The following TTC7B variants were observed in gnomAD, a reference collection of about 807,000 sequenced individuals.
TTC7B encodes tetratricopeptide repeat protein 7B.
Under a neutral mutation model 106.8 loss-of-function variants are expected in TTC7B, and 28 were observed. The observed-to-expected ratio is 0.26, with a 90% CI of 0.19 to 0.36. TTC7B has a LOEUF of 0.36. Among genes scored for constraint, TTC7B ranks in the 10% least tolerant of loss-of-function variants. The pLI, the probability that TTC7B is intolerant of heterozygous loss-of-function variation, is 1.00. For synonymous variants in TTC7B, 405 were observed against 430.6 expected, an observed-to-expected ratio of 0.94 and a Z score of 0.74; for missense variants, 862 against 1,076.4, an observed-to-expected ratio of 0.80 and a Z score of 2.79.
chr14:90,789,391 C>A (rs947591539), intron 1 of TTC7B, among the ~76,000 whole-genome samples: 32 of 152,156 alleles, frequency 2.1e-4, no homozygotes, highest in African/African-American at 7.7e-4. Flanking sequence ...AGCCACTATA[C>A]CCGGCCTTAA....
intron 5 of TTC7B, among the ~76,000 whole-genome samples, chr14:90,699,605 T>C (rs1340367943): frequency 6.6e-6 from 1 of 152,188 alleles, no homozygotes; most frequent in Non-Finnish European, 1.5e-5. Context: ...CTAGAGTCTA[T>C]TCAATATTTT....
Position 90,757,019 on chromosome 14 carries a change from T to C in TTC7B, c.446-12097A>G, listed in dbSNP as rs1202214252. Among the ~76,000 whole-genome samples, 2 of 152,114 alleles carry C rather than the reference T, an allele frequency of 1.3e-5. No homozygotes were observed. Among genetic ancestry groups the C allele is most frequent in the Non-Finnish European group, 2.9e-5 (2 of 68,026 alleles). On this transcript the variant is annotated intron_variant, in intron 3 of 19. Coordinates refer to ENST00000328459, the MANE Select transcript of TTC7B (RefSeq NM_001010854.2). This position sits in a 1 kb window ranked among gnomAD's most constrained non-coding sequence, Gnocchi z 4.1. Reference sequence around the variant, plus strand: ...AATACACCCATCTAGCCGCCCACCATGAGCAGAATCCAGAATGGGAAGAGG... The same window carrying C: ...AATACACCCATCTAGCCGCCCACCACGAGCAGAATCCAGAATGGGAAGAGG...
At chr14:90,602,532 C>G (rs542687841) in intron 17 of TTC7B, among the ~76,000 whole-genome samples, 16 of 152,238 alleles carry the variant, frequency 1.1e-4, no homozygotes, top group Non-Finnish European at 1.6e-4. Context: ...GAGGCCTCCT[C>G]TCTGCCAAAA....
intron 17 of TTC7B, among the ~76,000 whole-genome samples, chr14:90,599,634 A>AGG (rs1350515636): frequency 8.5e-5 from 13 of 152,146 alleles, no homozygotes; most frequent in Non-Finnish European, 1.6e-4. Context: ...TTTGGCACCC[A>AGG]CATTCTTTCT....
chr14:90,729,043 T>C (rs182552143), intron 5 of TTC7B, among the ~76,000 whole-genome samples: 4 of 152,380 alleles, frequency 2.6e-5, no homozygotes, highest in Admixed American at 6.5e-5. Context: ...CCAAGGCCAT[T>C]GAGCTGCTGC....
At chr14:90,614,742 T>A (rs535848133) in intron 16 of TTC7B, among the ~76,000 whole-genome samples, 1 of 152,354 alleles carries the variant, frequency 6.6e-6, no homozygotes, top group Admixed American at 6.5e-5. Flanking sequence ...GCAAGGCTAA[T>A]GTAGGGATTG....
intron 15 of TTC7B, among the ~76,000 whole-genome samples, chr14:90,631,933 G>A (rs1391257863): frequency 6.6e-6 from 1 of 152,152 alleles, no homozygotes; most frequent in Non-Finnish European, 1.5e-5. Context: ...AAACATCTAT[G>A]CAACTCCTTT....
chr14:90,782,050 G>C (rs139230069), intron 2 of TTC7B, among the ~76,000 whole-genome samples: 126 of 152,304 alleles, frequency 8.3e-4, no homozygotes, highest in African/African-American at 2.9e-3. Context: ...CTGTAACCTA[G>C]AGCTTTGATG....
intron 4 of TTC7B, among the ~76,000 whole-genome samples, chr14:90,731,834 A>G (rs1201568251): frequency 6.6e-6 from 1 of 152,220 alleles, no homozygotes; most frequent in Non-Finnish European, 1.5e-5. Flanking sequence ...AGCTGTAGTC[A>G]AGACTTTCTC....
At chr14:90,778,077 C>T (rs148663976) in intron 3 of TTC7B, among the ~76,000 whole-genome samples, 2 of 152,244 alleles carry the variant, frequency 1.3e-5, no homozygotes, top group East Asian at 1.9e-4. Flanking sequence ...TGCTCATAAC[C>T]GTCCCTCTAC....
In TTC7B at chr14:90,744,928, A is replaced by T. The variant is rs1331830521; in HGVS notation, c.446-6T>A. ...CAGCTTCTCCAAACAAAGTCCTTAAAAAAATATCAGACACAAAAACTGAGT... is the reference window on the plus strand; with the variant it reads ...CAGCTTCTCCAAACAAAGTCCTTAATAAAATATCAGACACAAAAACTGAGT... On this transcript the variant is annotated splice_region_variant and splice_polypyrimidine_tract_variant and intron_variant, in intron 3 of 19. Transcript: ENST00000328459. 1.2e-6 allele frequency: 2 copies of T among 1,612,102 alleles called. No homozygotes were observed. The highest frequency in any genetic ancestry group is 2.2e-5 in the South Asian group (2 of 90,632).
At chr14:90,696,376 T>C (rs547651987) in intron 5 of TTC7B, among the ~76,000 whole-genome samples, 2 of 152,306 alleles carry the variant, frequency 1.3e-5, no homozygotes, top group South Asian at 2.1e-4. Context: ...GCTGGTCCCT[T>C]TACATTAAGC....
intron 3 of TTC7B, among the ~76,000 whole-genome samples, chr14:90,748,029 G>A (rs1309490409): frequency 2.0e-5 from 3 of 152,032 alleles, no homozygotes; most frequent in African/African-American, 4.8e-5. Context: ...TATTTAAAGT[G>A]TATTTCTTGT....
intron 19 of TTC7B, among the ~76,000 whole-genome samples, chr14:90,545,432 G>A (rs1889788682): frequency 6.6e-6 from 1 of 152,216 alleles, no homozygotes; most frequent in Non-Finnish European, 1.5e-5. Flanking sequence ...GCTTCCCTCT[G>A]GCTCAGATCT....
At chr14:90,583,724 C>T (rs1891599140) in intron 18 of TTC7B, among the ~76,000 whole-genome samples, 2 of 152,088 alleles carry the variant, frequency 1.3e-5, no homozygotes, top group Admixed American at 6.6e-5. Context: ...AGGCAAGGGG[C>T]GTGGATACTT....
At chr14:90,714,009 C>A (rs1888548583) in intron 5 of TTC7B, among the ~76,000 whole-genome samples, 1 of 152,146 alleles carries the variant, frequency 6.6e-6, no homozygotes, top group Admixed American at 6.5e-5. Flanking sequence ...AGGCAGATCA[C>A]CTGAGGTCGG....
At position 90,747,718 on chromosome 14, in the gene TTC7B, T is replaced by C. The variant is rs1440553449; in HGVS notation, c.446-2796A>G. On this transcript the variant is annotated intron_variant, in intron 3 of 19. Coordinates refer to ENST00000328459, the MANE Select transcript of TTC7B (RefSeq NM_001010854.2). ...ACTTGTTTTATCATTTATTGAAACA[T>C]GGATATTGCAATCCCCAAGCATAAC... 2.0e-5 allele frequency among the ~76,000 whole-genome samples: 3 copies of C among 152,218 alleles called. No homozygotes were observed. In the East Asian group the frequency reaches 5.8e-4, roughly 29 times the overall value.
At chr14:90,803,702 C>T (rs998822359) in intron 1 of TTC7B, among the ~76,000 whole-genome samples, 2 of 143,884 alleles carry the variant, frequency 1.4e-5, no homozygotes, top group African/African-American at 2.6e-5. Context: ...AGCCTCCCCC[C>T]ACATCTACAC....
chr14:90,541,400 C>T lies in TTC7B; in HGVS notation c.2500G>A (p.Val834Met), dbSNP rs767640360. Residue 834 changes from valine to methionine, a missense_variant, in exon 20 of 20, where the codon GTG becomes ATG. Physicochemically the swap from Val to Met is conservative, Grantham distance 21. Transcript: ENST00000328459. ...ACGCGGGGGATGATGGTGAAGGGCA[C>T]GGCGGGGCTGCTGGCCTCCAGCTCC... ...ALELEASSPA[V>M]PFTIIPRVL is the part of the protein sequence containing the mutation. 26 of 1,608,128 alleles carry T rather than the reference C, an allele frequency of 1.6e-5. No homozygotes were observed. The highest frequency in any genetic ancestry group is 6.7e-5 in the East Asian group (3 of 44,718).
Sources: gnomAD v4.1 joint callset for allele counts (sites outside exome capture counted in the v4.1 genomes callset) on GRCh38, gnomAD v4.1.1 for gene constraint, Gnocchi (gnomAD v3.1) non-coding constraint, MANE v1.5 for transcripts, NCBI Gene and HGNC (gene_info 2026-07-23, HGNC 2026-07-21) for gene names.